The following TYR variants were observed in gnomAD, a reference collection of about 807,000 sequenced individuals.
TYR encodes LB24-AB.
Under a neutral mutation model 51.5 loss-of-function variants are expected in TYR, and 58 were observed. The ratio of observed to expected loss-of-function variants is 1.13; its 90% confidence interval spans 0.91 to 1.40. The LOEUF (loss-of-function observed/expected upper bound fraction) is 1.40, where lower values mean the gene tolerates loss of function less well. Among genes scored for constraint, TYR ranks in the 40% most tolerant of loss-of-function variants. The pLI is 0.00. For synonymous variants in TYR, 263 were observed against 235.2 expected, an observed-to-expected ratio of 1.12 and a Z score of -1.08; for missense variants, 732 against 647.4, an observed-to-expected ratio of 1.13 and a Z score of -1.42.
chr11:89,267,712 T>G (rs774983533), intron 3 of TYR, among the ~76,000 whole-genome samples: 7 of 152,022 alleles, frequency 4.6e-5, no homozygotes, highest in Non-Finnish European at 7.4e-5. Flanking sequence ...ATTTGTAATG[T>G]AAAATGTCAC....
At position 89,233,702 on chromosome 11, in the gene TYR, A is replaced by G. The variant is rs1210270910; in HGVS notation, c.1184+5732A>G. On this transcript the variant is annotated intron_variant, in intron 3 of 4. Coordinates refer to ENST00000263321, the MANE Select transcript of TYR (RefSeq NM_000372.5). ...TCAGAGATTTTGGGTGACCAGGTATATTATAAATGAGCAGTAATATTTTGA... is the reference window on the plus strand; with the variant it reads ...TCAGAGATTTTGGGTGACCAGGTATGTTATAAATGAGCAGTAATATTTTGA... Among the ~76,000 whole-genome samples the G allele has an allele frequency of 2.1e-5, 3 of 142,762 alleles. 1 individual carries two copies. Among genetic ancestry groups the G allele is most frequent in the Non-Finnish European group, 4.5e-5 (3 of 66,504 alleles). The allele number at this position is 142,762 out of a possible 152,430, so 93.7% of individuals were successfully genotyped here.
At chr11:89,181,596 C>CT (rs1026207222) in intron 1 of TYR, among the ~76,000 whole-genome samples, 17 of 152,192 alleles carry the variant, frequency 1.1e-4, no homozygotes, top group African/African-American at 2.9e-4. Flanking sequence ...ATAAAGCCTT[C>CT]TTTTTTTATT....
chr11:89,292,832 C>G (rs1944865101), intron 4 of TYR, among the ~76,000 whole-genome samples: 1 of 152,164 alleles, frequency 6.6e-6, no homozygotes, highest in Admixed American at 6.5e-5. Flanking sequence ...CTCCAACCAT[C>G]TGATTGGGTT....
chr11:89,228,061 A>C, intron 3 of TYR, 91 bp downstream of exon 3: 1 of 1,513,422 alleles, frequency 6.6e-7, no homozygotes, highest in Non-Finnish European at 9.1e-7. Flanking sequence ...AATAAAAGCT[A>C]AGAAGTTATG....
chr11:89,240,397 C>T (rs1270588728), intron 3 of TYR, among the ~76,000 whole-genome samples: 1 of 151,612 alleles, frequency 6.6e-6, no homozygotes, highest in Non-Finnish European at 1.5e-5. Context: ...ATGATATTTC[C>T]TTTTTGTGAA....
At chr11:89,188,055 A>T (rs900421989) in intron 1 of TYR, among the ~76,000 whole-genome samples, 13 of 149,514 alleles carry the variant, frequency 8.7e-5, no homozygotes, top group Admixed American at 3.3e-4. Flanking sequence ...TATTTTATTT[A>T]AAAAAGTTAA....
intron 1 of TYR, among the ~76,000 whole-genome samples, chr11:89,182,992 T>G (rs1035010629): frequency 6.6e-6 from 1 of 151,692 alleles, no homozygotes; most frequent in African/African-American, 2.4e-5. Flanking sequence ...CAGCAGAGAG[T>G]CATGGGTTTT....
At chr11:89,283,457 C>T (rs11018560) in intron 3 of TYR, among the ~76,000 whole-genome samples, 2 of 151,876 alleles carry the variant, frequency 1.3e-5, no homozygotes, top group South Asian at 2.1e-4. Flanking sequence ...ATGTACCAAC[C>T]TTTGACCTGC....
In TYR at chr11:89,201,880, T is replaced by C. The variant is rs560191421; in HGVS notation, c.1036+10462T>C. Among the ~76,000 whole-genome samples the C allele has an allele frequency of 1.3e-5, 2 of 152,314 alleles. 1 individual carries two copies. Among genetic ancestry groups the C allele is most frequent in the South Asian group, 4.1e-4 (2 of 4,826 alleles). ...AATAAGGGCATCTGGGAAGACCTTA[T>C]TAATTTCAAATACAATTCTGCATTT... is the stretch of plus-strand genomic sequence containing the variant. On this transcript the variant is annotated intron_variant, in intron 2 of 4. Coordinates refer to ENST00000263321, the MANE Select transcript of TYR (RefSeq NM_000372.5).
chr11:89,248,620 G>T (rs768002235), intron 3 of TYR, among the ~76,000 whole-genome samples: 1 of 152,172 alleles, frequency 6.6e-6, no homozygotes, highest in African/African-American at 2.4e-5. Context: ...GATCAGCAGA[G>T]ATCAATAGAG....
intron 2 of TYR, among the ~76,000 whole-genome samples, chr11:89,206,492 C>T (rs1306481790): frequency 6.6e-6 from 1 of 151,994 alleles, no homozygotes; most frequent in Non-Finnish European, 1.5e-5. Context: ...ATTTGTGAAG[C>T]AAAAGCTGGT....
intron 2 of TYR, among the ~76,000 whole-genome samples, chr11:89,217,967 T>G (rs2135274559): frequency 6.6e-6 from 1 of 152,308 alleles, no homozygotes; most frequent in South Asian, 2.1e-4. Flanking sequence ...GTTATTTCTA[T>G]TAACTACTTT....
chr11:89,191,598 G>A (rs769446119), intron 2 of TYR, among the ~76,000 whole-genome samples, 180 bp downstream of exon 2: 14 of 152,016 alleles, frequency 9.2e-5, no homozygotes, highest in Non-Finnish European at 1.6e-4. Flanking sequence ...ATAATTCAAC[G>A]TGTTAGCTTC....
At chr11:89,261,739 C>T (rs1944458484) in intron 3 of TYR, among the ~76,000 whole-genome samples, 1 of 152,040 alleles carries the variant, frequency 6.6e-6, no homozygotes, top group Non-Finnish European at 1.5e-5. Context: ...TACCCAACAA[C>T]AGAATGCACA....
At chr11:89,236,637 T>C (rs1025407881) in intron 3 of TYR, among the ~76,000 whole-genome samples, 2 of 152,224 alleles carry the variant, frequency 1.3e-5, no homozygotes, top group African/African-American at 4.8e-5. Context: ...TCCTCTCAAG[T>C]TGCTACCTAT....
intron 2 of TYR, among the ~76,000 whole-genome samples, chr11:89,220,235 C>T (rs894259551): frequency 6.6e-6 from 1 of 152,134 alleles, no homozygotes; most frequent in African/African-American, 2.4e-5. Flanking sequence ...GAGGCTGAAA[C>T]TTACAATTAT....
chr11:89,282,319 A>G (rs1487829838), intron 3 of TYR, among the ~76,000 whole-genome samples: 2 of 151,814 alleles, frequency 1.3e-5, no homozygotes, highest in African/African-American at 4.8e-5. Context: ...TCAAAATTTG[A>G]CAGGGGTGGT....
At chr11:89,249,055 A>G (rs1250436385) in intron 3 of TYR, among the ~76,000 whole-genome samples, 1 of 152,134 alleles carries the variant, frequency 6.6e-6, no homozygotes. Context: ...AGCAAAGAAA[A>G]TGAACTAAAG....
At position 89,183,088 on chromosome 11, in the gene TYR, A is replaced by G. The variant is rs551280653; in HGVS notation, c.819+4316A>G. 2.6e-5 allele frequency among the ~76,000 whole-genome samples: 4 copies of G among 152,108 alleles called. No individual in the cohort carries two copies. The South Asian group carries it at 8.3e-4, about 32-fold the overall frequency. Reference sequence around the variant, plus strand: ...TTTTGTGGAATGTCATACGGTTTACATTTTTTCCCCCAGATAAACCTCTAA... The same window carrying G: ...TTTTGTGGAATGTCATACGGTTTACGTTTTTTCCCCCAGATAAACCTCTAA... On this transcript the variant is annotated intron_variant, in intron 1 of 4. Transcript: ENST00000263321.
Sources: gnomAD v4.1 joint callset for allele counts (sites outside exome capture counted in the v4.1 genomes callset) on GRCh38, gnomAD v4.1.1 for gene constraint, MANE v1.5 for transcripts, NCBI Gene and HGNC (gene_info 2026-07-23, HGNC 2026-07-21) for gene names.